The following NLK variants were observed in gnomAD, a reference collection of about 807,000 sequenced individuals.
The protein encoded by NLK is nemo like kinase, also known as serine/threonine-protein kinase NLK.
In NLK, 11 loss-of-function variants were observed where a neutral mutation model predicts 59.0. That is an observed-to-expected ratio of 0.19 (90% CI 0.12 to 0.31). The LOEUF is 0.31. NLK is among the 10% of genes least tolerant of loss of function. NLK has a pLI of 1.00. For synonymous variants in NLK, 235 were observed against 235.9 expected (o/e 1.00, Z 0.03); for missense variants, 410 against 661.1 (o/e 0.62, Z 4.16).
intron 1 of NLK, among the ~76,000 whole-genome samples, chr17:28,070,398 A>G (rs2142756264): frequency 7.3e-6 from 1 of 136,536 alleles, no homozygotes; most frequent in South Asian, 2.4e-4. Context: ...CCCTGTTGCC[A>G]GGCTGGAGTG....
At chr17:28,097,194 G>A (rs184282087) in intron 1 of NLK, among the ~76,000 whole-genome samples, 134 of 152,208 alleles carry the variant, frequency 8.8e-4, no homozygotes, top group African/African-American at 3.1e-3. Flanking sequence ...TATAACCTCT[G>A]AAGGCAACAT....
intron 1 of NLK, among the ~76,000 whole-genome samples, chr17:28,092,207 A>C (rs1445076052): frequency 5.3e-5 from 8 of 151,296 alleles, no homozygotes; most frequent in Non-Finnish European, 1.2e-4. Flanking sequence ...TTCTAATCTT[A>C]ATGCATTAAG....
intron 8 of NLK, among the ~76,000 whole-genome samples, chr17:28,188,980 GACAC>G (rs57423093): frequency 1.2e-3 from 167 of 142,532 alleles, no homozygotes; most frequent in East Asian, 3.7e-3. Flanking sequence ...GACAAACACA[GACAC>G]ACACACACAC....
At chr17:28,081,912 G>C (rs1486933646) in intron 1 of NLK, among the ~76,000 whole-genome samples, 1 of 152,066 alleles carries the variant, frequency 6.6e-6, no homozygotes, top group Non-Finnish European at 1.5e-5. Context: ...GTTTCCTTTT[G>C]AGATAGAGTC....
intron 6 of NLK, among the ~76,000 whole-genome samples, chr17:28,169,361 G>T (rs756128565): frequency 6.6e-6 from 1 of 152,150 alleles, no homozygotes; most frequent in East Asian, 1.9e-4. Flanking sequence ...TAAATTTTTA[G>T]TGTGTTGATT....
chr17:28,091,116 C>A (rs1030000054), intron 1 of NLK, among the ~76,000 whole-genome samples: 1 of 152,082 alleles, frequency 6.6e-6, no homozygotes, highest in African/African-American at 2.4e-5. Flanking sequence ...TGAAGCACAT[C>A]AACATGGATA....
chr17:28,202,067 T>C, the NLK span, among the ~76,000 whole-genome samples: 1 of 151,922 alleles, frequency 6.6e-6, no homozygotes, highest in African/African-American at 2.4e-5. Context: ...AAAAACTATG[T>C]GACAAAAATT....
At chr17:28,058,667 G>A (rs531825022) in intron 1 of NLK, among the ~76,000 whole-genome samples, 1 of 152,306 alleles carries the variant, frequency 6.6e-6, no homozygotes. Context: ...GGCTATGGCA[G>A]GAGGCGCTTT....
intron 8 of NLK, among the ~76,000 whole-genome samples, chr17:28,187,395 C>G (rs1288503544): frequency 6.6e-6 from 1 of 152,174 alleles, no homozygotes; most frequent in African/African-American, 2.4e-5. Context: ...CTCCACCTCC[C>G]GGGTTCAAGC....
At chr17:28,175,466 T>A (rs1373330135) in intron 7 of NLK, among the ~76,000 whole-genome samples, 4 of 149,556 alleles carry the variant, frequency 2.7e-5, no homozygotes, top group African/African-American at 9.8e-5. Context: ...AAAAAAAAAA[T>A]AGTGTAGTGT....
rs559968105 is a variant in NLK, at chr17:28,132,447, G to A, written c.589-173G>A. ...TAAGTCTTTTGGATAGTAAGTGTAC[G>A]AATCCATCTTAATGTTTAGTACTGT... On this transcript the variant is annotated intron_variant, in intron 2 of 10. Transcript: ENST00000407008. Among the ~76,000 whole-genome samples, 15 of 152,282 alleles carry A rather than the reference G, an allele frequency of 9.9e-5. No homozygotes were observed. In the South Asian group the frequency reaches 2.1e-3, roughly 21 times the overall value.
chr17:28,151,285 CA>C (rs958069055), intron 3 of NLK, among the ~76,000 whole-genome samples: 2 of 152,066 alleles, frequency 1.3e-5, no homozygotes, highest in Non-Finnish European at 2.9e-5. Flanking sequence ...TAGAGCAAAG[CA>C]AAAACCGTAT....
intron 3 of NLK, among the ~76,000 whole-genome samples, chr17:28,134,634 G>A (rs1032407715): frequency 6.6e-6 from 1 of 152,160 alleles, no homozygotes; most frequent in Admixed American, 6.5e-5. Context: ...AGGGGAAACT[G>A]TAATCTTTGG....
At chr17:28,093,658 G>A (rs936923043) in intron 1 of NLK, among the ~76,000 whole-genome samples, 1 of 152,174 alleles carries the variant, frequency 6.6e-6, no homozygotes, top group South Asian at 2.1e-4. Context: ...CTTATTCTTA[G>A]GACGGAAGCA....
intron 1 of NLK, 29 bp downstream of exon 1, chr17:28,043,360 T>C (rs920717644): frequency 1.3e-6 from 2 of 1,489,314 alleles, no homozygotes; most frequent in African/African-American, 2.8e-5. Flanking sequence ...ACACAACCTC[T>C]CATGGTTTCT....
At chr17:28,103,472 A>C (rs1208176865) in intron 1 of NLK, among the ~76,000 whole-genome samples, 3 of 152,218 alleles carry the variant, frequency 2.0e-5, no homozygotes, top group African/African-American at 7.2e-5. Flanking sequence ...ATTTACAAAG[A>C]GCTGCTTCAC....
intron 1 of NLK, among the ~76,000 whole-genome samples, chr17:28,097,046 A>C (rs1904725816): frequency 6.6e-6 from 1 of 152,092 alleles, no homozygotes; most frequent in Non-Finnish European, 1.5e-5. Flanking sequence ...AGCCAGACTT[A>C]ATGAGAGTAA....
the NLK span, among the ~76,000 whole-genome samples, chr17:28,204,054 G>C: frequency 6.6e-6 from 1 of 152,220 alleles, no homozygotes; most frequent in Non-Finnish European, 1.5e-5. Context: ...GCATTCAGTG[G>C]AAGAGACAGG....
chr17:28,193,870 C>T (rs901964063), intron 10 of NLK, among the ~76,000 whole-genome samples: 4 of 152,128 alleles, frequency 2.6e-5, no homozygotes, highest in Non-Finnish European at 5.9e-5. Context: ...ACTATTTTCC[C>T]CTAAGAGTCA....
Sources: allele counts gnomAD v4.1 joint callset (sites outside exome capture counted in the v4.1 genomes callset), GRCh38; gene constraint gnomAD v4.1.1; transcripts MANE v1.5; gene names NCBI Gene and HGNC (gene_info 2026-07-23, HGNC 2026-07-21).